The following HCK variants were observed in gnomAD, a reference collection of about 807,000 sequenced individuals.
HCK encodes HCK proto-oncogene, Src family tyrosine kinase, also known as tyrosine-protein kinase HCK.
In HCK, 40 loss-of-function variants were observed where a neutral mutation model predicts 70.4. The ratio of observed to expected loss-of-function variants is 0.57; its 90% confidence interval spans 0.44 to 0.74. HCK has a LOEUF of 0.74. Ranked by LOEUF, HCK falls within the 30% of genes least tolerant of loss-of-function variation. The pLI, the probability that HCK is intolerant of heterozygous loss-of-function variation, is 0.00. For missense variants in HCK, 568 were observed against 697.2 expected (o/e 0.81, Z 2.09); for synonymous variants, 245 against 263.2 (o/e 0.93, Z 0.67).
chr20:32,054,630 C>A (rs2045241068), intron 1 of HCK, among the ~76,000 whole-genome samples: 1 of 150,898 alleles, frequency 6.6e-6, no homozygotes, highest in East Asian at 2.0e-4. Flanking sequence ...CACGGGGAAA[C>A]CCCGTCTCTA....
chr20:32,084,031 G>A lies in HCK; in HGVS notation c.670G>A (p.Asp224Asn), dbSNP rs1039969128. 6 of 1,613,628 alleles carry A rather than the reference G, an allele frequency of 3.7e-6. No homozygotes were observed. The African/African-American group carries it at 8.0e-5, about 22-fold the overall frequency. The change falls in exon 7 of 13, where the codon GAC (aspartate) becomes AAC (asparagine). Residue 224 changes from aspartate to asparagine, a missense_variant. By Grantham distance (23) the Asp-to-Asn change is conservative. This residue lies in a region of HCK where 318 missense variants were observed against 336.0 expected (regional missense o/e 0.95). Transcript: ENST00000375852. ...CTTCAGCACTCTGCAGGAGCTGGTGGACCACTACAAGAGTGAGTCCCACCC... is the reference window on the plus strand; with the variant it reads ...CTTCAGCACTCTGCAGGAGCTGGTGAACCACTACAAGAGTGAGTCCCACCC...
In HCK at chr20:32,073,760, G is replaced by A. The variant is rs958650426; in HGVS notation, c.271G>A (p.Ala91Thr). 6.4e-7 allele frequency: 1 copy of A among 1,557,986 alleles called. No homozygotes were observed. Among genetic ancestry groups the A allele is most frequent in the South Asian group, 1.2e-5 (1 of 84,544 alleles). The change falls in exon 4 of 13, where the codon GCC becomes ACC. Residue 91 changes from alanine to threonine, a missense_variant. Physicochemically the swap from Ala to Thr is moderately conservative, Grantham distance 58. Around this residue, in one of 4 missense-constraint regions of HCK, gnomAD observed 318 missense variants for 336.0 expected, o/e 0.95. Coordinates refer to ENST00000375852, the MANE Select transcript of HCK (RefSeq NM_002110.5). ...CGTGGTTGCCCTGTATGATTACGAGGCCATTCACCACGAAGACCTCAGCTT... is the reference window on the plus strand; with the variant it reads ...CGTGGTTGCCCTGTATGATTACGAGACCATTCACCACGAAGACCTCAGCTT...
intron 11 of HCK, among the ~76,000 whole-genome samples, chr20:32,098,586 A>C (rs975361803): frequency 2.0e-5 from 3 of 152,154 alleles, no homozygotes; most frequent in African/African-American, 7.2e-5. Flanking sequence ...TGGGAACCTC[A>C]TGGGCTGAGA....
chr20:32,085,239 A>G (rs1568996353), intron 8 of HCK, among the ~76,000 whole-genome samples: 2 of 152,210 alleles, frequency 1.3e-5, no homozygotes, highest in South Asian at 2.1e-4. Flanking sequence ...AAGGCCGGGC[A>G]CAGTGGCTCA....
chr20:32,084,325 T>C, intron 7 of HCK, 66 bp from the exon 8 acceptor site: 1 of 1,518,394 alleles, frequency 6.6e-7, no homozygotes, highest in South Asian at 1.3e-5. Flanking sequence ...TAGGGCGGCC[T>C]CCAAGGAGCA....
intron 1 of HCK, chr20:32,054,150 G>A: frequency 2.3e-6 from 1 of 437,674 alleles, no homozygotes. Context: ...TTTACTAAAA[G>A]TAACAGAAAA....
rs182845541 is a variant in HCK, at chr20:32,059,745, G to A, written c.62+7259G>A. On this transcript the variant is annotated intron_variant, in intron 1 of 12. Transcript: ENST00000375852. ...TGCCCAGGCTGGTCTTAAATTCCTC[G>A]GCTCAAACGATCCTCCTGTCTTGAC... Among the ~76,000 whole-genome samples the A allele has an allele frequency of 2.0e-3, 310 of 151,920 alleles. 1 individual carries two copies. Among genetic ancestry groups the A allele is most frequent in the African/African-American group, 6.9e-3 (286 of 41,442 alleles).
chr20:32,069,865 A>G (rs2045512967), intron 1 of HCK: 5 of 766,594 alleles, frequency 6.5e-6, no homozygotes, highest in African/African-American at 1.9e-5. Context: ...TTTTAACAAG[A>G]TAAGTATAAC....
chr20:32,072,016 G>A, intron 2 of HCK: 3 of 542,370 alleles, frequency 5.5e-6, no homozygotes, highest in Non-Finnish European at 6.4e-6. Flanking sequence ...CTCAGCCTGA[G>A]CTCCACCAAA....
chr20:32,056,993 C>T (rs2045282281), intron 1 of HCK, among the ~76,000 whole-genome samples: 1 of 152,206 alleles, frequency 6.6e-6, no homozygotes, highest in Non-Finnish European at 1.5e-5. Context: ...CCCGAACACC[C>T]CTCCACCCGC....
intron 1 of HCK, among the ~76,000 whole-genome samples, chr20:32,052,854 G>A (rs928592089): frequency 4.0e-5 from 6 of 151,728 alleles, no homozygotes; most frequent in Admixed American, 3.9e-4. Flanking sequence ...CACAGAACCC[G>A]GGAAGGGGAA....
intron 11 of HCK, among the ~76,000 whole-genome samples, chr20:32,095,499 C>T (rs890372003): frequency 2.6e-5 from 4 of 152,086 alleles, no homozygotes; most frequent in African/African-American, 4.8e-5. Flanking sequence ...TCAAGTGATC[C>T]GCCCGCCTTG....
At chr20:32,054,534 C>CA (rs2045238049) in intron 1 of HCK, among the ~76,000 whole-genome samples, 1 of 125,422 alleles carries the variant, frequency 8.0e-6, no homozygotes, top group Non-Finnish European at 1.6e-5. Flanking sequence ...AGCCCGGACG[C>CA]GGGGGCTCAC....
intron 6 of HCK, among the ~76,000 whole-genome samples, chr20:32,080,448 T>C (rs242604): frequency 0.48 from 73,530 of 151,906 alleles, 20,423 homozygotes; most frequent in African/African-American, 0.77. Context: ...CCACCCCTCT[T>C]GCCCTCCCAA....
At chr20:32,065,683 G>A (rs999035245) in intron 1 of HCK, among the ~76,000 whole-genome samples, 2 of 152,152 alleles carry the variant, frequency 1.3e-5, no homozygotes, top group East Asian at 3.9e-4. Flanking sequence ...TGAGGAGGAC[G>A]TATATGCCTA....
At chr20:32,074,971 C>T (rs1357564942) in intron 5 of HCK, among the ~76,000 whole-genome samples, 4 of 152,180 alleles carry the variant, frequency 2.6e-5, no homozygotes, top group African/African-American at 9.7e-5. Context: ...GTTTTACTAG[C>T]AAAACGACCT....
chr20:32,094,815 A>AGAGAAAGAGAAAG (rs2045929490), intron 11 of HCK, among the ~76,000 whole-genome samples: 1 of 138,784 alleles, frequency 7.2e-6, no homozygotes, highest in South Asian at 2.3e-4. Flanking sequence ...GAAAGAAAGA[A>AGAGAAAGAGAAAG]AGAAAGAAAG....
At position 32,094,799 on chromosome 20, in the gene HCK, A is replaced by AG. The variant is rs1569010639; in HGVS notation, c.1246+783_1246+784insG. Among the ~76,000 whole-genome samples, 307 of 36,416 alleles carry AG rather than the reference A, an allele frequency of 8.4e-3. 4 individuals are homozygous for AG. Among genetic ancestry groups the AG allele is most frequent in the Middle Eastern group, 0.014 (1 of 72 alleles). 23.9% of individuals were successfully genotyped at this position (36,416 alleles called of 152,430 possible). ...AAAGAGAGAGAAAGAGAAAGAAAGA[A>AG]AGAAAGAAAGAAAGAAAGAAAGAAA... is the stretch of plus-strand genomic sequence containing the variant. On this transcript the variant is annotated intron_variant, in intron 11 of 12. Coordinates refer to ENST00000375852, the MANE Select transcript of HCK (RefSeq NM_002110.5).
At chr20:32,085,477 G>C (rs2045771922) in intron 8 of HCK, among the ~76,000 whole-genome samples, 1 of 152,104 alleles carries the variant, frequency 6.6e-6, no homozygotes, top group Non-Finnish European at 1.5e-5. Context: ...TCGCACCACT[G>C]CACTCCAGCC....
Sources: gnomAD v4.1 joint callset for allele counts (sites outside exome capture counted in the v4.1 genomes callset) on GRCh38, gnomAD v4.1.1 for gene constraint, gnomAD v4.1.1 regional missense constraint, MANE v1.5 for transcripts, NCBI Gene and HGNC (gene_info 2026-07-23, HGNC 2026-07-21) for gene names.